The following RPN2 variants were observed in gnomAD, a reference collection of about 807,000 sequenced individuals.
The protein encoded by RPN2 is dolichyl-diphosphooligosaccharide--protein glycosyltransferase subunit 2.
A neutral mutation model predicts 71.4 loss-of-function variants in RPN2; 29 were observed. That is an observed-to-expected ratio of 0.41 (90% CI 0.30 to 0.55). The LOEUF (loss-of-function observed/expected upper bound fraction) is 0.55, where lower values mean the gene tolerates loss of function less well. RPN2 is among the 20% of genes least tolerant of loss of function. The pLI, the probability that RPN2 is intolerant of heterozygous loss-of-function variation, is 0.35. For missense variants in RPN2, 726 were observed against 774.1 expected, an observed-to-expected ratio of 0.94 and a Z score of 0.74; for synonymous variants, 308 against 305.0, an observed-to-expected ratio of 1.01 and a Z score of -0.10.
intron 2 of RPN2, among the ~76,000 whole-genome samples, chr20:37,197,710 T>C (rs1362907039): frequency 2.0e-5 from 3 of 152,112 alleles, no homozygotes; most frequent in African/African-American, 4.8e-5. Context: ...GCAGTCCTCC[T>C]ACCTCAGCCT....
intron 9 of RPN2, 25 bp downstream of exon 9, chr20:37,213,890 T>C (rs2067741476): frequency 6.5e-7 from 1 of 1,539,528 alleles, no homozygotes. Flanking sequence ...TTCCTTCCCA[T>C]TGCCATGTTA....
At chr20:37,237,873 C>T (rs756637977) in intron 16 of RPN2, among the ~76,000 whole-genome samples, 2 of 152,176 alleles carry the variant, frequency 1.3e-5, no homozygotes, top group Non-Finnish European at 2.9e-5. Context: ...TAAGTTCTCT[C>T]TTTTCTGGAA....
chr20:37,186,318 T>G (rs568904093), intron 2 of RPN2, among the ~76,000 whole-genome samples: 9 of 152,158 alleles, frequency 5.9e-5, no homozygotes, highest in Admixed American at 2.0e-4. Flanking sequence ...GGGGGAGGAG[T>G]ATGAATGTCT....
chr20:37,205,621 G>C (rs1125308), intron 6 of RPN2, among the ~76,000 whole-genome samples: 116,748 of 152,082 alleles, frequency 0.77, 45,301 homozygotes, highest in Middle Eastern at 0.89. Context: ...TTTGTGCCAA[G>C]TTTCTTTAAG....
chr20:37,233,348 A>G (rs2146700811), intron 14 of RPN2, among the ~76,000 whole-genome samples: 2 of 151,412 alleles, frequency 1.3e-5, no homozygotes, highest in Non-Finnish European at 2.9e-5. Context: ...TTTTTTTTTT[A>G]GCCAATTGTG....
At chr20:37,186,361 A>G (rs950111227) in intron 2 of RPN2, among the ~76,000 whole-genome samples, 2 of 152,234 alleles carry the variant, frequency 1.3e-5, no homozygotes, top group Non-Finnish European at 1.5e-5. Context: ...TTGTATTAGC[A>G]TGGAAATGAC....
At chr20:37,218,553 A>AG (rs1342879759) in intron 9 of RPN2, among the ~76,000 whole-genome samples, 1 of 151,098 alleles carries the variant, frequency 6.6e-6, no homozygotes. Context: ...GCTAAAAAAA[A>AG]AAACAAAAAA....
chr20:37,206,265 TA>T lies in RPN2; in HGVS notation c.691-1007del, dbSNP rs1330529865. The stretch of plus-strand genomic sequence containing the variant: ...AGCCCATTAGTTCTTAATGGAGAGT[TA>T]TTTTAGTTTCTTTTTAATGTACATT... On this transcript the variant is annotated intron_variant, in intron 6 of 16. Coordinates refer to ENST00000237530, the MANE Select transcript of RPN2 (RefSeq NM_002951.5). 5.9e-5 allele frequency among the ~76,000 whole-genome samples: 9 copies of T among 152,330 alleles called. No homozygotes were observed. The East Asian group carries it at 1.7e-3, about 29-fold the overall frequency.
At chr20:37,236,104 T>TGTGTGGGTGTGG (rs1374277124) in intron 15 of RPN2, among the ~76,000 whole-genome samples, 2 of 151,864 alleles carry the variant, frequency 1.3e-5, no homozygotes, top group Non-Finnish European at 2.9e-5. Context: ...TGTGGGTGTG[T>TGTGTGGGTGTGG]GTGTGTTTTG....
chr20:37,224,849 CAT>C (rs2068041972), intron 10 of RPN2, among the ~76,000 whole-genome samples: 1 of 152,176 alleles, frequency 6.6e-6, no homozygotes, highest in Admixed American at 6.5e-5. Flanking sequence ...TTTTAAATCA[CAT>C]AGAGTTGGCC....
At chr20:37,213,344 C>T (rs2146621735) in intron 8 of RPN2, among the ~76,000 whole-genome samples, 1 of 152,236 alleles carries the variant, frequency 6.6e-6, no homozygotes, top group East Asian at 1.9e-4. Context: ...GCACGAGGGT[C>T]AGGCATGGTG....
At chr20:37,236,085 A>G (rs191403649) in intron 15 of RPN2, among the ~76,000 whole-genome samples, 1 of 79,278 alleles carries the variant, frequency 1.3e-5, no homozygotes, top group East Asian at 2.7e-4. Flanking sequence ...TCCAATTGTT[A>G]CCCCTGTTTG....
At position 37,210,110 on chromosome 20, in the gene RPN2, A is replaced by G. The variant is rs2067621276; in HGVS notation, c.931A>G (p.Lys311Glu). 6.2e-7 allele frequency: 1 copy of G among 1,614,060 alleles called. No homozygotes were observed. The highest frequency in any genetic ancestry group is 1.3e-5 in the African/African-American group (1 of 74,926). ...TQATVKLEHA[K>E]SVASRATVLQ... ...GGCCACTGTTAAACTAGAACATGCTAAATCTGTTGCTTCCAGAGCCACTGT... is the reference window on the plus strand; with the variant it reads ...GGCCACTGTTAAACTAGAACATGCTGAATCTGTTGCTTCCAGAGCCACTGT... Residue 311 changes from lysine (K) to glutamate (E), a missense_variant, in exon 8 of 17, where the codon AAA becomes GAA. Lys to Glu is a moderately conservative substitution (Grantham distance 56, BLOSUM62 1). Coordinates refer to ENST00000237530, the MANE Select transcript of RPN2 (RefSeq NM_002951.5).
intron 1 of RPN2, among the ~76,000 whole-genome samples, chr20:37,181,318 T>C (rs2066871641): frequency 6.6e-6 from 1 of 152,156 alleles, no homozygotes; most frequent in Non-Finnish European, 1.5e-5. Flanking sequence ...TTACCTCATC[T>C]ACTTCTTACC....
chr20:37,184,024 C>T (rs2066942404), intron 1 of RPN2, 156 bp from the exon 2 acceptor site: 1 of 824,728 alleles, frequency 1.2e-6, no homozygotes, highest in Non-Finnish European at 2.0e-6. Context: ...AGCAGGCTCC[C>T]TGCCTTCCCA....
chr20:37,212,630 A>C (rs1286629625), intron 8 of RPN2, among the ~76,000 whole-genome samples: 1 of 151,940 alleles, frequency 6.6e-6, no homozygotes, highest in African/African-American at 2.4e-5. Flanking sequence ...GGCACCCGCC[A>C]CCATGCCCAG....
chr20:37,218,248 C>T (rs549110239), intron 9 of RPN2, among the ~76,000 whole-genome samples: 5 of 152,040 alleles, frequency 3.3e-5, no homozygotes, highest in African/African-American at 1.2e-4. Flanking sequence ...CCCATCTCTA[C>T]CAAAAATTTA....
chr20:37,230,011 C>T lies in RPN2; in HGVS notation c.1533C>T (p.Pro511=), dbSNP rs2068195834. 1 of 1,614,050 alleles carries T rather than the reference C, an allele frequency of 6.2e-7. No homozygotes were observed. Among genetic ancestry groups the T allele is most frequent in the Admixed American group, 1.7e-5 (1 of 60,000 alleles). Residue 511 remains proline (P), a synonymous_variant, in exon 13 of 17, where the codon CCC becomes CCT. Transcript: ENST00000237530. ...TCAAGTTCCCTGAGGAAGAAGCTCC[C>T]TCGACTGTCTTGTCCCAGAACCTTT... ...VVIKFPEEEA[P]STVLSQNLFT... is the part of the protein sequence containing the mutation.
intron 2 of RPN2, among the ~76,000 whole-genome samples, chr20:37,184,624 C>G (rs953030477): frequency 2.0e-5 from 3 of 152,090 alleles, no homozygotes; most frequent in Admixed American, 6.6e-5. Flanking sequence ...AACCCTGACT[C>G]TGCTAAAAAT....
Sources: allele counts gnomAD v4.1 joint callset (sites outside exome capture counted in the v4.1 genomes callset), GRCh38; gene constraint gnomAD v4.1.1; transcripts MANE v1.5; gene names NCBI Gene and HGNC (gene_info 2026-07-23, HGNC 2026-07-21).